Variants in CHSY3 observed in about 807,000 individuals in gnomAD.
CHSY3 encodes chondroitin sulfate synthase 3, also known as N-acetylgalactosaminyl-proteoglycan 3-beta-glucuronosyltransferase 3.
CHSY3 carries 35 observed loss-of-function variants against 67.2 expected under a neutral mutation model. The ratio of observed to expected loss-of-function variants is 0.52; its 90% CI spans 0.40 to 0.69. The LOEUF is 0.69. Among genes scored for constraint, CHSY3 ranks in the 30% least tolerant of loss-of-function variants. CHSY3 has a pLI of 0.00. For missense variants in CHSY3, 1,069 were observed against 1,138.5 expected (o/e 0.94, Z 0.88); for synonymous variants, 474 against 434.7 (o/e 1.09, Z -1.12).
chr5:130,179,791 A>G (rs1287698139), intron 2 of CHSY3, among the ~76,000 whole-genome samples: 1 of 151,812 alleles, frequency 6.6e-6, no homozygotes, highest in Non-Finnish European at 1.5e-5. Context: ...TAAATGACTC[A>G]TCTCTGAAAA....
At chr5:130,023,933 C>G (rs1451905461) in intron 2 of CHSY3, among the ~76,000 whole-genome samples, 2 of 151,838 alleles carry the variant, frequency 1.3e-5, no homozygotes, top group Non-Finnish European at 2.9e-5. Flanking sequence ...CCCCCAATAG[C>G]TCTTCAAAGG....
chr5:129,993,897 G>A (rs940212756), intron 2 of CHSY3, among the ~76,000 whole-genome samples: 24 of 151,928 alleles, frequency 1.6e-4, no homozygotes, highest in African/African-American at 5.8e-4. Context: ...CTCTTTTAGG[G>A]CAGGCCTGGT....
At chr5:130,111,698 AT>A (rs1767595216) in intron 2 of CHSY3, among the ~76,000 whole-genome samples, 1 of 152,112 alleles carries the variant, frequency 6.6e-6, no homozygotes, top group African/African-American at 2.4e-5. Context: ...TGAAATAGTA[AT>A]TTTTAAAAGC....
intron 2 of CHSY3, among the ~76,000 whole-genome samples, chr5:130,099,685 T>G (rs1243667022): frequency 6.6e-6 from 1 of 152,224 alleles, no homozygotes; most frequent in Non-Finnish European, 1.5e-5. Flanking sequence ...ATAATTGCAT[T>G]TGTGAATACT....
At chr5:130,080,075 AAC>A (rs1466788521) in intron 2 of CHSY3, among the ~76,000 whole-genome samples, 2 of 139,956 alleles carry the variant, frequency 1.4e-5, no homozygotes, top group Admixed American at 7.3e-5. Context: ...CACACAGAAA[AAC>A]ACACATACAT....
At chr5:130,117,965 C>G (rs1042718814) in intron 2 of CHSY3, among the ~76,000 whole-genome samples, 1 of 152,128 alleles carries the variant, frequency 6.6e-6, no homozygotes, top group Non-Finnish European at 1.5e-5. Flanking sequence ...TGGCTTAGCA[C>G]CATCCCTTCG....
Position 130,002,124 on chromosome 5 carries a change from G to A in CHSY3, c.1086+93764G>A, listed in dbSNP as rs193119012. 39 of 936,668 alleles carry A rather than the reference G, an allele frequency of 4.2e-5. No homozygotes were observed. The East Asian group carries it at 5.8e-4, about 14-fold the overall frequency. The allele number at this position is 936,668 out of a possible 1,614,324, so 58.0% of individuals were successfully genotyped here. On this transcript the variant is annotated intron_variant, in intron 2 of 2. Transcript: ENST00000305031. The stretch of plus-strand genomic sequence containing the variant: ...TGGTGGCCTTCTTCTGTGTCTCTGT[G>A]TGTTGTCCCTTGAGAGAATCATTCA...
chr5:129,982,508 A>G (rs1023912562), intron 2 of CHSY3, among the ~76,000 whole-genome samples: 4 of 152,062 alleles, frequency 2.6e-5, no homozygotes, highest in African/African-American at 9.7e-5. Context: ...TTTGATCAAA[A>G]TTTGTATCTT....
chr5:129,997,369 C>A (rs1763571843), intron 2 of CHSY3, among the ~76,000 whole-genome samples: 1 of 152,026 alleles, frequency 6.6e-6, no homozygotes, highest in South Asian at 2.1e-4. Flanking sequence ...GCTATGCAAG[C>A]ATATAGTTTT....
intron 2 of CHSY3, among the ~76,000 whole-genome samples, chr5:130,032,937 C>T (rs2149661037): frequency 6.6e-6 from 1 of 152,288 alleles, no homozygotes; most frequent in African/African-American, 2.4e-5. Flanking sequence ...GCACATTAGA[C>T]AAGTCCCATG....
chr5:130,075,427 A>T (rs1766218303), intron 2 of CHSY3, among the ~76,000 whole-genome samples: 1 of 152,166 alleles, frequency 6.6e-6, no homozygotes, highest in Admixed American at 6.6e-5. Flanking sequence ...TTCTACTAAA[A>T]ATATTCCTGT....
At chr5:130,135,423 G>T (rs1408837434) in intron 2 of CHSY3, among the ~76,000 whole-genome samples, 1 of 152,072 alleles carries the variant, frequency 6.6e-6, no homozygotes, top group Admixed American at 6.5e-5. Flanking sequence ...TCACTGAAAA[G>T]ATACTGAGGT....
chr5:129,994,427 C>G (rs1434623379), intron 2 of CHSY3, among the ~76,000 whole-genome samples: 1 of 152,056 alleles, frequency 6.6e-6, no homozygotes, highest in Non-Finnish European at 1.5e-5. Flanking sequence ...ATTCTTTTTT[C>G]TCTAAACTTC....
intron 2 of CHSY3, among the ~76,000 whole-genome samples, chr5:130,068,226 G>A (rs924695467): frequency 3.3e-5 from 5 of 152,112 alleles, no homozygotes; most frequent in Non-Finnish European, 5.9e-5. Context: ...GCAAGTGAAA[G>A]AGCTGAATAC....
intron 2 of CHSY3, among the ~76,000 whole-genome samples, chr5:129,920,467 A>G (rs1438789875): frequency 6.6e-6 from 1 of 152,078 alleles, no homozygotes; most frequent in African/African-American, 2.4e-5. Context: ...ACTGGTCTTG[A>G]GCTCCTGATC....
At chr5:129,979,646 C>A (rs138853945) in intron 2 of CHSY3, among the ~76,000 whole-genome samples, 3 of 152,282 alleles carry the variant, frequency 2.0e-5, no homozygotes, top group Admixed American at 2.0e-4. Context: ...TTAGGGTTCA[C>A]TCTCAATGTT....
At chr5:130,087,548 T>C (rs1391938759) in intron 2 of CHSY3, among the ~76,000 whole-genome samples, 1 of 151,166 alleles carries the variant, frequency 6.6e-6, no homozygotes, top group Non-Finnish European at 1.5e-5. Flanking sequence ...TGTACAAAAA[T>C]CACAAGCATT....
intron 2 of CHSY3, among the ~76,000 whole-genome samples, chr5:130,154,262 TA>T (rs1262652072): frequency 6.6e-6 from 1 of 152,182 alleles, no homozygotes; most frequent in Non-Finnish European, 1.5e-5. Flanking sequence ...TCAGTCCCAG[TA>T]GACAAGAATT....
Position 130,185,426 on chromosome 5 carries a change from A to T in CHSY3, c.2284A>T (p.Thr762Ser). ...GGTAACAAACGGGGGAAATCCTCCC[A>T]CTGATGATTACTTCATATTCTCAAA... ...PKVTNGGNPP[T>S]DDYFIFSKKT... Residue 762 changes from threonine to serine, a missense_variant, in exon 3 of 3, where the codon ACT (threonine) becomes TCT (serine). Around this residue, in one of 5 missense-constraint regions of CHSY3, gnomAD observed 139 missense variants for 152.8 expected, o/e 0.91. Transcript: ENST00000305031. The T allele has an allele frequency of 6.2e-7, 1 of 1,613,792 alleles. No individual in the cohort carries two copies. The highest frequency in any genetic ancestry group is 8.5e-7 in the Non-Finnish European group (1 of 1,179,686).
Sources: gnomAD v4.1 joint callset for allele counts (sites outside exome capture counted in the v4.1 genomes callset) on GRCh38, gnomAD v4.1.1 for gene constraint, gnomAD v4.1.1 regional missense constraint, MANE v1.5 for transcripts, NCBI Gene and HGNC (gene_info 2026-07-23, HGNC 2026-07-21) for gene names.